CCDC102B: variants seen among roughly 807,000 people sequenced by gnomAD.
CCDC102B encodes the protein coiled-coil domain containing 102B, also known as coiled-coil domain-containing protein 102B.
Under a neutral mutation model 57.4 loss-of-function variants are expected in CCDC102B, and 75 were observed. The ratio of observed to expected loss-of-function variants is 1.31; its 90% CI spans 1.08 to 1.58. The LOEUF is 1.58. Ranked by LOEUF, CCDC102B falls within the 40% of genes most tolerant of loss-of-function variation. The probability of loss-of-function intolerance (pLI) is 0.00; values close to 1 mark genes in which losing one functional copy is unlikely to be tolerated. For missense variants in CCDC102B, 636 were observed against 582.6 expected (o/e 1.09, Z -0.94); for synonymous variants, 206 against 201.9 (o/e 1.02, Z -0.17).
chr18:68,729,690 C>T (rs1374379081), intron 2 of CCDC102B, among the ~76,000 whole-genome samples: 1 of 152,090 alleles, frequency 6.6e-6, no homozygotes, highest in East Asian at 1.9e-4. Context: ...GCAAGCAAAA[C>T]ATGAAAGTCT....
chr18:68,994,114 T>G, intron 6 of CCDC102B, among the ~76,000 whole-genome samples: 1 of 152,190 alleles, frequency 6.6e-6, no homozygotes, highest in South Asian at 2.1e-4. Flanking sequence ...TTTTTATTAT[T>G]TTATTTAACT....
chr18:68,941,945 C>T (rs1326587808), intron 6 of CCDC102B, among the ~76,000 whole-genome samples: 1 of 152,028 alleles, frequency 6.6e-6, no homozygotes, highest in African/African-American at 2.4e-5. Context: ...AGGTGATCTC[C>T]TTCAGGCAAG....
At chr18:69,002,360 C>T (rs2145363899) in intron 6 of CCDC102B, among the ~76,000 whole-genome samples, 1 of 152,140 alleles carries the variant, frequency 6.6e-6, no homozygotes, top group East Asian at 1.9e-4. Context: ...AGATGACATC[C>T]CTTCTCATTT....
At chr18:68,768,419 A>G (rs62100014) in intron 2 of CCDC102B, among the ~76,000 whole-genome samples, 3,109 of 152,284 alleles carry the variant, frequency 0.02, 50 homozygotes, top group Middle Eastern at 0.061. Flanking sequence ...CTATACTTAA[A>G]CATGTACAGT....
chr18:68,874,849 A>T, intron 5 of CCDC102B, 64 bp downstream of exon 5: 1 of 1,051,190 alleles, frequency 9.5e-7, no homozygotes, highest in Non-Finnish European at 1.5e-6. Flanking sequence ...TAAATGCCAT[A>T]CTATTTTAAG....
intron 7 of CCDC102B, among the ~76,000 whole-genome samples, chr18:69,014,655 G>C (rs1290312490): frequency 6.6e-6 from 1 of 151,976 alleles, no homozygotes; most frequent in East Asian, 1.9e-4. Flanking sequence ...TCTAGAGCAA[G>C]AACAGACATA....
intron 4 of CCDC102B, among the ~76,000 whole-genome samples, chr18:68,857,147 A>T (rs1299295176): frequency 9.2e-5 from 4 of 43,256 alleles, no homozygotes; most frequent in African/African-American, 2.2e-4. Flanking sequence ...ATTATATATA[A>T]ATATATTTAT....
At chr18:68,975,987 C>A (rs2050426612) in intron 6 of CCDC102B, among the ~76,000 whole-genome samples, 2 of 151,814 alleles carry the variant, frequency 1.3e-5, no homozygotes, top group Admixed American at 1.3e-4. Context: ...TCATAAGAGT[C>A]AATAGAAATA....
chr18:68,990,561 G>T (rs760591875), intron 6 of CCDC102B, among the ~76,000 whole-genome samples: 13 of 152,114 alleles, frequency 8.5e-5, no homozygotes, highest in Non-Finnish European at 1.6e-4. Context: ...TGTATACAAG[G>T]TATGCGTAAA....
intron 6 of CCDC102B, among the ~76,000 whole-genome samples, chr18:68,914,071 A>G (rs2040978844): frequency 6.6e-6 from 1 of 152,338 alleles, no homozygotes; most frequent in Non-Finnish European, 1.5e-5. Flanking sequence ...AATCACCACC[A>G]ATTTTCTCAA....
intron 6 of CCDC102B, among the ~76,000 whole-genome samples, chr18:68,951,200 C>T (rs2049688209): frequency 6.6e-6 from 1 of 151,788 alleles, no homozygotes; most frequent in Non-Finnish European, 1.5e-5. Flanking sequence ...TTAGGGAGTT[C>T]CAGAAAAGAA....
intron 6 of CCDC102B, among the ~76,000 whole-genome samples, chr18:69,005,158 TGCATTTGATTGTGA>T (rs1208667012): frequency 2.6e-5 from 4 of 152,180 alleles, no homozygotes; most frequent in African/African-American, 9.7e-5. Flanking sequence ...TTTAAGTAGC[TGCATTTGATTGTGA>T]TAACAATCCA....
At chr18:69,052,386 T>C (rs2052728830) in intron 7 of CCDC102B, among the ~76,000 whole-genome samples, 1 of 151,970 alleles carries the variant, frequency 6.6e-6, no homozygotes, top group South Asian at 2.1e-4. Flanking sequence ...TGGTATTACC[T>C]TGAGAAATTT....
chr18:69,000,503 T>C (rs1225967332), intron 6 of CCDC102B, among the ~76,000 whole-genome samples: 1 of 152,156 alleles, frequency 6.6e-6, no homozygotes, highest in Non-Finnish European at 1.5e-5. Flanking sequence ...CACACATATA[T>C]ATGAATGCCT....
rs186206266 is a variant in CCDC102B at position 69,014,269 on chromosome 18, G to A, written c.1434+3165G>A. Among the ~76,000 whole-genome samples the A allele has an allele frequency of 3.3e-5, 5 of 152,232 alleles. No individual in the cohort carries two copies. The East Asian group carries it at 9.7e-4, about 29-fold the overall frequency. On this transcript the variant is annotated intron_variant, in intron 7 of 7. Transcript: ENST00000360242. ...CCTTTGTTCCTCCAAACTTCCATGA[G>A]AATGAAGCCAGCTGAGCATGCTCTC... is the stretch of plus-strand genomic sequence containing the variant.
intron 6 of CCDC102B, among the ~76,000 whole-genome samples, chr18:68,982,351 A>G (rs796231859): frequency 7.2e-5 from 11 of 152,114 alleles, no homozygotes; most frequent in African/African-American, 2.6e-4. Context: ...TTCATAACCA[A>G]TAATCATCCC....
chr18:69,014,978 A>AGTGTGTGT (rs3035604), intron 7 of CCDC102B, among the ~76,000 whole-genome samples: 13 of 139,430 alleles, frequency 9.3e-5, no homozygotes, highest in South Asian at 2.4e-4. Flanking sequence ...AGAGAGAGAG[A>AGTGTGTGT]GTGTGTGTGT....
chr18:68,885,727 C>T (rs2039860365), intron 5 of CCDC102B, among the ~76,000 whole-genome samples: 1 of 151,946 alleles, frequency 6.6e-6, no homozygotes, highest in Non-Finnish European at 1.5e-5. Flanking sequence ...CTTCTGTAAC[C>T]TCTTTGCAGT....
At chr18:68,911,751 CAAAAAAAAA>C (rs74175338) in intron 6 of CCDC102B, among the ~76,000 whole-genome samples, 5 of 18,008 alleles carry the variant, frequency 2.8e-4, no homozygotes, top group Admixed American at 6.8e-4. Flanking sequence ...GACTCCGTCT[CAAAAAAAAA>C]AAAAAAAAAA....
Sources: gnomAD v4.1 joint callset for allele counts (sites outside exome capture counted in the v4.1 genomes callset) on GRCh38, gnomAD v4.1.1 for gene constraint, MANE v1.5 for transcripts, NCBI Gene and HGNC (gene_info 2026-07-23, HGNC 2026-07-21) for gene names.